ATM: variants seen among roughly 807,000 people sequenced by gnomAD.
ATM encodes the protein ATM serine/threonine kinase, also known as serine-protein kinase ATM.
Under a neutral mutation model 387.0 loss-of-function variants are expected in ATM, and 308 were observed. The observed-to-expected ratio is 0.80, with a 90% CI of 0.73 to 0.87. The LOEUF (loss-of-function observed/expected upper bound fraction) is 0.87. Ranked by LOEUF, ATM falls within the 40% of genes least tolerant of loss-of-function variation. The pLI, the probability that ATM is intolerant of heterozygous loss-of-function variation, is 0.00. For synonymous variants in ATM, 1,156 were observed against 1,187.3 expected (o/e 0.97, Z 0.54); for missense variants, 3,312 against 3,560.9 (o/e 0.93, Z 1.78).
intron 44 of ATM, among the ~76,000 whole-genome samples, chr11:108,320,429 A>T (rs1260050974): frequency 6.6e-6 from 1 of 152,252 alleles, no homozygotes; most frequent in Non-Finnish European, 1.5e-5. Context: ...CACAAATGTG[A>T]TGAGGCATGA....
chr11:108,353,422 C>T (rs2089443566), intron 59 of ATM, among the ~76,000 whole-genome samples: 1 of 152,174 alleles, frequency 6.6e-6, no homozygotes, highest in Non-Finnish European at 1.5e-5. Context: ...GCTGGGATTA[C>T]AGGCGGGAGC....
chr11:108,229,284 A>C lies in ATM; in HGVS notation c.292A>C (p.Ser98Arg), dbSNP rs768318076. ...ASRQKKMQEISSLVKYFIKCA... is the reference protein window; with the variant it reads ...ASRQKKMQEIRSLVKYFIKCA... ...CAGGCAGAAAAAGATGCAGGAAATC[A>C]GTAGTTTGGTCAAATACTTCATCAA... Residue 98 changes from serine (S) to arginine (R), a missense_variant, in exon 4 of 63, where the codon AGT (serine) becomes CGT (arginine). By Grantham distance (110) the Ser-to-Arg change is moderately radical. Transcript: ENST00000675843. The C allele has an allele frequency of 3.1e-6, 5 of 1,613,820 alleles. No homozygotes were observed. Among genetic ancestry groups the C allele is most frequent in the Non-Finnish European group, 4.2e-6 (5 of 1,179,812 alleles).
rs1555086041 is a variant in ATM, at chr11:108,272,764, A to C, written c.3196A>C (p.Lys1066Gln). ...ATGGGCCATTCTTAATGTAATGGGA[A>C]AAGACTTTCCTGTAAATGAAGTATT... is the stretch of plus-strand genomic sequence containing the variant. The part of the protein sequence containing the change: ...SKWAILNVMG[K>Q]DFPVNEVFTQ... The change falls in exon 22 of 63, where the codon AAA (lysine) becomes CAA (glutamine). Residue 1066 changes from lysine to glutamine, a missense_variant. Coordinates refer to ENST00000675843, the MANE Select transcript of ATM (RefSeq NM_000051.4). 2 of 1,613,982 alleles carry C rather than the reference A, an allele frequency of 1.2e-6. No individual in the cohort carries two copies. Among genetic ancestry groups the C allele is most frequent in the South Asian group, 2.2e-5 (2 of 91,084 alleles).
intron 8 of ATM, among the ~76,000 whole-genome samples, 169 bp downstream of exon 8, chr11:108,247,296 A>G (rs2079903274): frequency 6.6e-6 from 1 of 152,176 alleles, no homozygotes; most frequent in Admixed American, 6.5e-5. Flanking sequence ...TACCCTTTTA[A>G]CTTAAAAGTT....
At position 108,324,439 on chromosome 11, in the gene ATM, T is replaced by C. The variant is rs568674910; in HGVS notation, c.6573-871T>C. On this transcript the variant is annotated intron_variant, in intron 45 of 62. Transcript: ENST00000675843. ...TAGATTTTTCTCAGTCTTTCTAATA[T>C]GATATCATATCTAATATCAGTAGAT... is the stretch of plus-strand genomic sequence containing the variant. 3.9e-5 allele frequency among the ~76,000 whole-genome samples: 6 copies of C among 152,270 alleles called. No individual in the cohort carries two copies. In the South Asian group the frequency reaches 1.2e-3, roughly 32 times the overall value.
intron 52 of ATM, among the ~76,000 whole-genome samples, chr11:108,332,465 G>T (rs1228642925): frequency 6.6e-6 from 1 of 151,646 alleles, no homozygotes; most frequent in Non-Finnish European, 1.5e-5. Flanking sequence ...ATTAAAATTG[G>T]TTCAAAATTC....
intron 31 of ATM, among the ~76,000 whole-genome samples, chr11:108,294,537 C>T (rs1315402235): frequency 1.3e-5 from 2 of 152,124 alleles, no homozygotes; most frequent in African/African-American, 2.4e-5. Context: ...GTCAGGAGTT[C>T]GAGACCAGCC....
intron 61 of ATM, among the ~76,000 whole-genome samples, chr11:108,357,237 C>T (rs1243770465): frequency 6.7e-6 from 1 of 149,172 alleles, no homozygotes; most frequent in East Asian, 2.0e-4. Context: ...CTTTTTGGAC[C>T]GGCTTAAAAA....
chr11:108,297,475 T>C (rs570526724), intron 33 of ATM, 93 bp downstream of exon 33: 9 of 1,107,414 alleles, frequency 8.1e-6, no homozygotes, highest in African/African-American at 1.6e-5. Flanking sequence ...GTATGTTTTC[T>C]GTTGCCTGTA....
At chr11:108,299,628 G>A in intron 33 of ATM, 86 bp from the exon 34 acceptor site, 1 of 1,341,842 alleles carries the variant, frequency 7.5e-7, no homozygotes, top group Non-Finnish European at 1.1e-6. Flanking sequence ...CAGAAAAACA[G>A]CATTATAGTT....
rs780932013 is a variant in ATM at position 108,251,924 on chromosome 11, A to G, written c.1695A>G (p.Glu565=). The G allele has an allele frequency of 3.1e-6, 5 of 1,613,850 alleles. No individual in the cohort carries two copies. Among genetic ancestry groups the G allele is most frequent in the Non-Finnish European group, 4.2e-6 (5 of 1,179,846 alleles). Residue 565 remains glutamate (E), a synonymous_variant, in exon 11 of 63, where the codon GAA becomes GAG. Coordinates refer to ENST00000675843, the MANE Select transcript of ATM (RefSeq NM_000051.4). The part of the protein sequence containing the change: ...VKMGIEQNMC[E]VNRSFSLKES... ...TGGGAATAGAGCAAAATATGTGTGA[A>G]GTAAATAGAAGCTTTTCTTTAAAGG...
Position 108,293,350 on chromosome 11 carries a change from A to G in ATM, c.4649A>G (p.Lys1550Arg). ...DLLKYLVIDN[K>R]DNENLYITIK... The stretch of plus-strand genomic sequence containing the variant: ...TTGAAATACTTAGTGATAGATAACA[A>G]GGATAATGAAAACCTCTATATCACG... Residue 1550 changes from lysine to arginine, a missense_variant, in exon 31 of 63, where the codon AAG becomes AGG. This residue lies in a region of ATM where 1,791 missense variants were observed against 1,804.5 expected (regional missense o/e 0.99). Coordinates refer to ENST00000675843, the MANE Select transcript of ATM (RefSeq NM_000051.4). 1 of 1,582,372 alleles carries G rather than the reference A, an allele frequency of 6.3e-7. No individual in the cohort carries two copies. Among genetic ancestry groups the G allele is most frequent in the Non-Finnish European group, 8.7e-7 (1 of 1,154,380 alleles).
intron 1 of ATM, chr11:108,226,722 C>A (rs1218347335): frequency 3.4e-5 from 5 of 145,874 alleles, no homozygotes; most frequent in Non-Finnish European, 7.6e-5. Flanking sequence ...TTTTTTTTTT[C>A]TTTGAGACGG....
At chr11:108,346,284 A>C (rs1431275468) in intron 58 of ATM, among the ~76,000 whole-genome samples, 6 of 152,110 alleles carry the variant, frequency 3.9e-5, no homozygotes, top group African/African-American at 1.4e-4. Flanking sequence ...GTTCTTTTGC[A>C]TATAACCTCT....
chr11:108,308,851 C>G, intron 38 of ATM: 1 of 592,978 alleles, frequency 1.7e-6, no homozygotes, highest in Non-Finnish European at 2.9e-6. Flanking sequence ...GTTATTTTAC[C>G]TTAGAGTTTT....
rs3092911 is a variant in ATM at position 108,310,331 on chromosome 11, A to G, written c.5918+16A>G. ...AAGAGAAAAGGTAATGGAATTTAGA[A>G]TTTTTGGTTTTTAAAATTAATGTTG... On this transcript the variant is annotated intron_variant, in intron 39 of 62. Transcript: ENST00000675843. The G allele has an allele frequency of 3.4e-5, 54 of 1,610,260 alleles. 1 individual carries two copies. The Middle Eastern group carries it at 6.6e-4, about 20-fold the overall frequency.
intron 4 of ATM, among the ~76,000 whole-genome samples, chr11:108,235,019 T>A (rs1352341301): frequency 6.6e-6 from 1 of 152,120 alleles, no homozygotes; most frequent in Non-Finnish European, 1.5e-5. Context: ...CACCAGAAAT[T>A]GTGAATTATT....
At chr11:108,328,266 A>T (rs1294777348) in intron 48 of ATM, among the ~76,000 whole-genome samples, 2 of 152,026 alleles carry the variant, frequency 1.3e-5, no homozygotes, top group East Asian at 1.9e-4. Flanking sequence ...CTTTTCTTTG[A>T]GATGAAGTCT....
At chr11:108,252,432 A>C (rs1036478130) in intron 11 of ATM, among the ~76,000 whole-genome samples, 3 of 152,178 alleles carry the variant, frequency 2.0e-5, no homozygotes, top group Admixed American at 2.0e-4. Flanking sequence ...ACAAAACAGG[A>C]TGTAAGCACT....
Sources: allele counts gnomAD v4.1 joint callset (sites outside exome capture counted in the v4.1 genomes callset), GRCh38; gene constraint gnomAD v4.1.1; regional missense constraint gnomAD v4.1.1; transcripts MANE v1.5; gene names NCBI Gene and HGNC (gene_info 2026-07-23, HGNC 2026-07-21).